KIF2A: variants seen among roughly 807,000 people sequenced by gnomAD.
The protein encoded by KIF2A is kinesin-like protein KIF2A.
Under a neutral mutation model 100.2 loss-of-function variants are expected in KIF2A, and 22 were observed. The ratio of observed to expected loss-of-function variants is 0.22; its 90% CI spans 0.16 to 0.31. The LOEUF (loss-of-function observed/expected upper bound fraction) is 0.31. Ranked by LOEUF, KIF2A falls within the 10% of genes least tolerant of loss-of-function variation. The pLI, the probability that KIF2A is intolerant of heterozygous loss-of-function variation, is 1.00. For synonymous variants in KIF2A, 268 were observed against 285.9 expected (o/e 0.94, Z 0.63); for missense variants, 495 against 898.7 (o/e 0.55, Z 5.74).
Position 62,366,492 on chromosome 5 carries a change from T to G in KIF2A, c.1646+11T>G, listed in dbSNP as rs1303582526. On this transcript the variant is annotated intron_variant, in intron 16 of 20. Coordinates refer to ENST00000407818, the MANE Select transcript of KIF2A (RefSeq NM_001098511.3). ...AAGATATGCAAATAGGTATGAGAGA[T>G]AGTTCTCCATTTTGAAATTTGAGGG... The G allele has an allele frequency of 1.3e-6, 2 of 1,488,120 alleles. No homozygotes were observed. Among genetic ancestry groups the G allele is most frequent in the South Asian group, 1.2e-5 (1 of 84,440 alleles). 92.2% of individuals were successfully genotyped at this position (1,488,120 alleles called of 1,614,324 possible). A position where few individuals can be genotyped will look rare whatever the true frequency, so the allele number is the denominator to read the frequency against.
chr5:62,351,365 G>A (rs1314405508), intron 4 of KIF2A, among the ~76,000 whole-genome samples: 4 of 152,006 alleles, frequency 2.6e-5, no homozygotes, highest in African/African-American at 9.7e-5. Flanking sequence ...AGAAAGAAAG[G>A]AATGGGGAAA....
chr5:62,313,493 T>C (rs565294340), intron 1 of KIF2A, among the ~76,000 whole-genome samples: 1 of 152,094 alleles, frequency 6.6e-6, no homozygotes, highest in South Asian at 2.1e-4. Flanking sequence ...GCTGGGATTA[T>C]AGGCATGCGC....
intron 18 of KIF2A, among the ~76,000 whole-genome samples, chr5:62,374,804 G>A (rs1051312467): frequency 2.0e-5 from 3 of 152,284 alleles, no homozygotes; most frequent in Admixed American, 6.5e-5. Flanking sequence ...GCACACGCCT[G>A]TAGTCCCAGC....
At chr5:62,308,597 T>C (rs557136083) in intron 1 of KIF2A, 2 of 700,498 alleles carry the variant, frequency 2.9e-6, no homozygotes, top group South Asian at 3.0e-5. Flanking sequence ...TATTCAGCCT[T>C]AAAAAAGGAG....
At chr5:62,309,211 C>T (rs756805287) in intron 1 of KIF2A, among the ~76,000 whole-genome samples, 43 of 152,270 alleles carry the variant, frequency 2.8e-4, no homozygotes, top group Non-Finnish European at 5.6e-4. Context: ...TCACCTTCAG[C>T]CTATACCAGA....
chr5:62,350,715 C>A (rs1254139943), intron 4 of KIF2A, among the ~76,000 whole-genome samples: 1 of 151,492 alleles, frequency 6.6e-6, no homozygotes, highest in Non-Finnish European at 1.5e-5. Context: ...AGTTCAAGAC[C>A]CCCCTGGTCA....
At chr5:62,336,296 T>C (rs1427138437) in intron 1 of KIF2A, among the ~76,000 whole-genome samples, 3 of 152,226 alleles carry the variant, frequency 2.0e-5, no homozygotes, top group South Asian at 4.1e-4. Context: ...CTCTTAAAAA[T>C]GCTGGTTTTT....
intron 1 of KIF2A, among the ~76,000 whole-genome samples, chr5:62,326,537 C>G (rs1746387370): frequency 6.6e-6 from 1 of 152,026 alleles, no homozygotes; most frequent in Non-Finnish European, 1.5e-5. Flanking sequence ...TTTTTCTGTT[C>G]CTGTTTTGTG....
At chr5:62,337,614 C>T (rs982561769) in intron 1 of KIF2A, among the ~76,000 whole-genome samples, 1 of 152,056 alleles carries the variant, frequency 6.6e-6, no homozygotes, top group African/African-American at 2.4e-5. Flanking sequence ...AGGGGAATTG[C>T]TTGAGACCAG....
At chr5:62,329,119 T>C (rs796422221) in intron 1 of KIF2A, among the ~76,000 whole-genome samples, 38 of 152,362 alleles carry the variant, frequency 2.5e-4, no homozygotes, top group African/African-American at 8.9e-4. Context: ...TCATTTTCTT[T>C]TTTCTCTCCT....
At chr5:62,371,088 G>C (rs180822678) in intron 16 of KIF2A, among the ~76,000 whole-genome samples, 1 of 152,068 alleles carries the variant, frequency 6.6e-6, no homozygotes, top group African/African-American at 2.4e-5. Flanking sequence ...GCAACCTAAC[G>C]AGACCTCATC....
chr5:62,352,292 A>G (rs1424841937), intron 4 of KIF2A, among the ~76,000 whole-genome samples: 2 of 152,110 alleles, frequency 1.3e-5, no homozygotes, highest in African/African-American at 2.4e-5. Flanking sequence ...TTATTAAAAA[A>G]CAAGCTTGGC....
chr5:62,372,139 G>A (rs900924018), intron 16 of KIF2A, among the ~76,000 whole-genome samples: 1 of 152,166 alleles, frequency 6.6e-6, no homozygotes, highest in Non-Finnish European at 1.5e-5. Flanking sequence ...TGGTCATGTA[G>A]TTAGGGGGGC....
intron 1 of KIF2A, among the ~76,000 whole-genome samples, chr5:62,331,771 A>AG (rs906668285): frequency 1.3e-5 from 2 of 151,624 alleles, no homozygotes; most frequent in African/African-American, 4.8e-5. Context: ...CGAAAAAAAA[A>AG]AAAACAACAT....
In KIF2A at chr5:62,308,285, G is replaced by A. The variant is rs1368827644; in HGVS notation, c.64+1749G>A. The A allele has an allele frequency of 6.1e-6, 8 of 1,315,642 alleles. No homozygotes were observed. In the East Asian group the frequency reaches 1.6e-4, roughly 27 times the overall value. 81.5% of individuals were successfully genotyped at this position (1,315,642 alleles called of 1,614,324 possible). A position where few individuals can be genotyped will look rare whatever the true frequency, so the allele number is the denominator to read the frequency against. On this transcript the variant is annotated intron_variant, in intron 1 of 20. Transcript: ENST00000407818. ...CTCTTCAGATTACTTTCTTGAAAGA[G>A]TGCTGTTAATGTCATTTTTTTAGGT...
chr5:62,341,316 T>C (rs987179973), intron 1 of KIF2A, among the ~76,000 whole-genome samples: 2 of 152,090 alleles, frequency 1.3e-5, no homozygotes, highest in South Asian at 2.1e-4. Flanking sequence ...ATTTTTTTTT[T>C]TTTGGAGACA....
At chr5:62,308,433 G>A (rs1561242376) in intron 1 of KIF2A, 3 of 1,071,442 alleles carry the variant, frequency 2.8e-6, no homozygotes, top group Non-Finnish European at 4.2e-6. Flanking sequence ...ACCTTGTGAA[G>A]ATATCTGCAC....
chr5:62,350,000 C>A, intron 3 of KIF2A, 66 bp from the exon 4 acceptor site: 2 of 1,023,746 alleles, frequency 2.0e-6, no homozygotes, highest in South Asian at 1.6e-5. Context: ...TTGAAAGAAG[C>A]TCAGATCATG....
At chr5:62,373,481 G>C (rs1461133163) in intron 17 of KIF2A, among the ~76,000 whole-genome samples, 1 of 151,904 alleles carries the variant, frequency 6.6e-6, no homozygotes, top group African/African-American at 2.4e-5. Flanking sequence ...AATATAATAT[G>C]AATTATATAA....
Sources: allele counts gnomAD v4.1 joint callset (sites outside exome capture counted in the v4.1 genomes callset), GRCh38; gene constraint gnomAD v4.1.1; transcripts MANE v1.5; gene names NCBI Gene and HGNC (gene_info 2026-07-23, HGNC 2026-07-21).